FRAS1: variants seen among roughly 807,000 people sequenced by gnomAD.
The protein encoded by FRAS1 is extracellular matrix organizing protein FRAS1.
A neutral mutation model predicts 435.2 loss-of-function variants in FRAS1; 290 were observed. The ratio of observed to expected loss-of-function variants is 0.67; its 90% CI spans 0.61 to 0.73. The LOEUF is 0.73. FRAS1 is among the 30% of genes least tolerant of loss of function. The pLI, the probability that FRAS1 is intolerant of heterozygous loss-of-function variation, is 0.00. For synonymous variants in FRAS1, 1,800 were observed against 1,851.0 expected (o/e 0.97, Z 0.71); for missense variants, 4,860 against 5,001.5 (o/e 0.97, Z 0.85).
intron 2 of FRAS1, among the ~76,000 whole-genome samples, chr4:78,126,233 T>C (rs931172884): frequency 6.6e-6 from 1 of 151,984 alleles, no homozygotes; most frequent in Non-Finnish European, 1.5e-5. Context: ...TCTCCTGGTC[T>C]GCCAGTTGCA....
chr4:78,252,489 G>T lies in FRAS1; in HGVS notation c.407G>T (p.Gly136Val), dbSNP rs1006933063. The T allele has an allele frequency of 6.2e-7, 1 of 1,613,832 alleles. No homozygotes were observed. The highest frequency in any genetic ancestry group is 1.7e-5 in the Admixed American group (1 of 59,988). The change falls in exon 5 of 74, where the codon GGA becomes GTA. Residue 136 changes from glycine to valine, a missense_variant. Coordinates refer to ENST00000512123, the MANE Select transcript of FRAS1 (RefSeq NM_025074.7). ...CAACCATGCCCACCGCTGTCATGTG[G>T]ACACCAGGAGCTGGCATTCATCCCT... ...TPQPCPPLSCGHQELAFIPEG... is the reference protein window; with the variant it reads ...TPQPCPPLSCVHQELAFIPEG...
At chr4:78,168,208 C>A (rs1721411332) in intron 2 of FRAS1, among the ~76,000 whole-genome samples, 1 of 151,936 alleles carries the variant, frequency 6.6e-6, no homozygotes, top group Admixed American at 6.6e-5. Context: ...TAGACTAATG[C>A]CCTTTGTAGA....
At chr4:78,073,434 A>G (rs1740463589) in intron 2 of FRAS1, among the ~76,000 whole-genome samples, 1 of 152,144 alleles carries the variant, frequency 6.6e-6, no homozygotes, top group African/African-American at 2.4e-5. Context: ...ACGTTTTATC[A>G]TATATCTCAA....
intron 2 of FRAS1, among the ~76,000 whole-genome samples, chr4:78,110,422 A>G (rs1742642255): frequency 8.8e-6 from 1 of 113,588 alleles, no homozygotes; most frequent in South Asian, 2.7e-4. Context: ...AATGGAACAG[A>G]ACAGAGCCCT....
intron 9 of FRAS1, among the ~76,000 whole-genome samples, chr4:78,277,946 G>A (rs1727137810): frequency 6.6e-6 from 1 of 151,858 alleles, no homozygotes; most frequent in South Asian, 2.1e-4. Flanking sequence ...TGAGTAGCTG[G>A]GACTACAGGC....
intron 2 of FRAS1, among the ~76,000 whole-genome samples, chr4:78,131,378 C>T (rs1451464857): frequency 6.6e-6 from 1 of 152,194 alleles, no homozygotes; most frequent in Non-Finnish European, 1.5e-5. Context: ...TCCACCCCAT[C>T]TAAACTCTTT....
rs536411437 is a variant in FRAS1, at chr4:78,142,208, G to A, written c.108+76192G>A. Among the ~76,000 whole-genome samples, 3 of 152,146 alleles carry A rather than the reference G, an allele frequency of 2.0e-5. No homozygotes were observed. In the South Asian group the frequency reaches 6.2e-4, roughly 32 times the overall value. On this transcript the variant is annotated intron_variant, in intron 2 of 73. Transcript: ENST00000512123. ...AGACTTTCGTTTGAGAACTTGAAGG[G>A]CTGCATCCTATGAGTAAGAGTGAGC... is the stretch of plus-strand genomic sequence containing the variant.
intron 26 of FRAS1, chr4:78,379,454 C>A: frequency 2.5e-6 from 1 of 392,776 alleles, no homozygotes; most frequent in Non-Finnish European, 4.5e-6. Flanking sequence ...CACCTGAGGA[C>A]CTCCCACTGG....
At chr4:78,219,580 T>G (rs959879855) in intron 2 of FRAS1, among the ~76,000 whole-genome samples, 2 of 152,216 alleles carry the variant, frequency 1.3e-5, no homozygotes, top group Non-Finnish European at 2.9e-5. Context: ...CCAGATTGAT[T>G]AAGCATCTAA....
chr4:78,387,965 C>T (rs1193010387), intron 29 of FRAS1, among the ~76,000 whole-genome samples: 1 of 152,114 alleles, frequency 6.6e-6, no homozygotes, highest in Non-Finnish European at 1.5e-5. Context: ...ATCCACTAAT[C>T]CTTTTGTCTC....
At chr4:78,281,479 T>C (rs746581419) in intron 11 of FRAS1, 46 bp downstream of exon 11, 16 of 1,284,828 alleles carry the variant, frequency 1.2e-5, no homozygotes, top group Non-Finnish European at 1.7e-5. Context: ...ATAAAATTGT[T>C]TTATGTAATG....
chr4:78,541,039 C>T lies in FRAS1; in HGVS notation c.11954C>T (p.Ala3985Val), dbSNP rs762790556. The T allele has an allele frequency of 2.0e-6, 3 of 1,490,758 alleles. No individual in the cohort carries two copies. Among genetic ancestry groups the T allele is most frequent in the Non-Finnish European group, 1.8e-6 (2 of 1,115,572 alleles). The allele number at this position is 1,490,758 out of a possible 1,614,324, so 92.3% of individuals were successfully genotyped here. A position where few individuals can be genotyped will look rare whatever the true frequency, so the allele number is the denominator to read the frequency against. ...AACATCCTGAGTGAGCCTGAGGCGG[C>T]TTACACGTTCAAAGGTGCTAAAGTC... ...NVNILSEPEA[A>V]YTFKGAKVKR... The change falls in exon 74 of 74, where the codon GCT (alanine) becomes GTT (valine). Residue 3985 changes from alanine (A) to valine (V), a missense_variant. By Grantham distance (64) the Ala-to-Val change is moderately conservative. Transcript: ENST00000512123.
At chr4:78,162,678 C>T (rs1020150579) in intron 2 of FRAS1, among the ~76,000 whole-genome samples, 1 of 152,134 alleles carries the variant, frequency 6.6e-6, no homozygotes, top group African/African-American at 2.4e-5. Flanking sequence ...TCTGTCACTG[C>T]CTGTTAGGTG....
intron 31 of FRAS1, among the ~76,000 whole-genome samples, chr4:78,409,824 T>C (rs1733263735): frequency 6.6e-6 from 1 of 152,216 alleles, no homozygotes; most frequent in African/African-American, 2.4e-5. Flanking sequence ...GGGGCTGAAC[T>C]CACCCAGCTC....
intron 2 of FRAS1, among the ~76,000 whole-genome samples, chr4:78,203,315 A>C (rs891773391): frequency 2.0e-5 from 3 of 152,130 alleles, no homozygotes; most frequent in South Asian, 2.1e-4. Context: ...GGATAAAGAA[A>C]CTGAGGGATA....
rs1264191039 is a variant in FRAS1, at chr4:78,308,174, G to A, written c.1643G>A (p.Gly548Glu). 21 of 1,613,818 alleles carry A rather than the reference G, an allele frequency of 1.3e-5. No homozygotes were observed. The highest frequency in any genetic ancestry group is 1.7e-5 in the Non-Finnish European group (20 of 1,179,882). ...LRDGGCESSCGKGFYNRQGTC... is the reference protein window; with the variant it reads ...LRDGGCESSCEKGFYNRQGTC... Reference sequence around the variant, plus strand: ...GATGGCGGCTGTGAGAGCAGCTGTGGAAAAGGCTTCTACAACAGGCAGGGC... The same window carrying A: ...GATGGCGGCTGTGAGAGCAGCTGTGAAAAAGGCTTCTACAACAGGCAGGGC... The change falls in exon 15 of 74, where the codon GGA becomes GAA. Residue 548 changes from glycine to glutamate, a missense_variant. Physicochemically the swap from Gly to Glu is moderately conservative, Grantham distance 98. Coordinates refer to ENST00000512123, the MANE Select transcript of FRAS1 (RefSeq NM_025074.7).
chr4:78,450,210 C>G lies in FRAS1; in HGVS notation c.6334C>G (p.His2112Asp), dbSNP rs1220422311. 6.2e-7 allele frequency: 1 copy of G among 1,613,722 alleles called. No individual in the cohort carries two copies. Among genetic ancestry groups the G allele is most frequent in the African/African-American group, 1.3e-5 (1 of 74,992 alleles). The change falls in exon 45 of 74, where the codon CAT becomes GAT. Residue 2112 changes from histidine (H) to aspartate (D), a missense_variant. Coordinates refer to ENST00000512123, the MANE Select transcript of FRAS1 (RefSeq NM_025074.7). ...AGTGACAGATATTGACTCAGATGAC[C>G]ATCAGGTTATGTACATCATGAAGGA... ...LKVTDIDSDDHQVMYIMKEDP... is the reference protein window; with the variant it reads ...LKVTDIDSDDDQVMYIMKEDP...
chr4:78,078,680 TC>T (rs1405368697), intron 2 of FRAS1, among the ~76,000 whole-genome samples: 1 of 152,000 alleles, frequency 6.6e-6, no homozygotes, highest in East Asian at 1.9e-4. Context: ...AAAATGTAAA[TC>T]TAACCAAAAA....
At chr4:78,137,842 T>C (rs972964731) in intron 2 of FRAS1, among the ~76,000 whole-genome samples, 3 of 152,272 alleles carry the variant, frequency 2.0e-5, no homozygotes, top group African/African-American at 7.2e-5. Context: ...TGAATTCTTA[T>C]CTGTTAAATG....
Sources: gnomAD v4.1 joint callset for allele counts (sites outside exome capture counted in the v4.1 genomes callset) on GRCh38, gnomAD v4.1.1 for gene constraint, MANE v1.5 for transcripts, NCBI Gene and HGNC (gene_info 2026-07-23, HGNC 2026-07-21) for gene names.